Variants in CIITA observed in about 807,000 individuals in gnomAD.
CIITA encodes class II major histocompatibility complex transactivator, also known as MHC class II transactivator.
Under a neutral mutation model 115.1 loss-of-function variants are expected in CIITA, and 72 were observed. The ratio of observed to expected loss-of-function variants is 0.63; its 90% confidence interval spans 0.52 to 0.76. The LOEUF (loss-of-function observed/expected upper bound fraction) is 0.76. CIITA is among the 30% of genes least tolerant of loss of function. CIITA has a pLI of 0.00. For missense variants in CIITA, 1,617 were observed against 1,463.8 expected (o/e 1.10, Z -1.71); for synonymous variants, 763 against 635.6 (o/e 1.20, Z -3.02).
rs1340095619 is a variant in CIITA at position 10,895,886 on chromosome 16, G to C, written c.295+122G>C. 7 of 977,828 alleles carry C rather than the reference G, an allele frequency of 7.2e-6. No homozygotes were observed. In the East Asian group the frequency reaches 1.6e-4, roughly 22 times the overall value. The allele number at this position is 977,828 out of a possible 1,614,324, so 60.6% of individuals were successfully genotyped here. On this transcript the variant is annotated intron_variant, in intron 3 of 19. Transcript: ENST00000324288. ...CCCCTCCCACAGAAATCATTGCAAG[G>C]GGGATGCGGAGCAATGGCTGGAGGA... is the stretch of plus-strand genomic sequence containing the variant.
At position 10,887,245 on chromosome 16, in the gene CIITA, G is replaced by C. The variant is rs183904893; in HGVS notation, c.53-8037G>C. Among the ~76,000 whole-genome samples, 93 of 152,014 alleles carry C rather than the reference G, an allele frequency of 6.1e-4. No homozygotes were observed. The East Asian group carries it at 9.5e-3, about 15-fold the overall frequency. On this transcript the variant is annotated intron_variant, in intron 1 of 19. Coordinates refer to ENST00000324288, the MANE Select transcript of CIITA (RefSeq NM_000246.4). ...GAGGTTGGGGAGCAGGTTGGTGTTG[G>C]GGGGGGCCTTGGGGGAAAGGAAAAG... is the stretch of plus-strand genomic sequence containing the variant.
intron 1 of CIITA, among the ~76,000 whole-genome samples, chr16:10,867,837 C>T (rs1295132936): frequency 3.9e-5 from 6 of 152,126 alleles, no homozygotes; most frequent in Non-Finnish European, 8.8e-5. Flanking sequence ...CTCACTACAG[C>T]CTCCATTTGC....
In CIITA at chr16:10,877,360, G is replaced by A. The variant is rs911677004; in HGVS notation, c.30G>A (p.Gly10=). The change falls in exon 1 of 20, where the codon GGG becomes GGA. Residue 10 remains glycine (G), a synonymous_variant. Transcript: ENST00000324288. MRCLAPRPA[G]SYLSEPQGSS... is the part of the protein sequence containing the mutation. The stretch of plus-strand genomic sequence containing the variant: ...GTTGCCTGGCTCCACGCCCTGCTGG[G>A]TCCTACCTGTCAGAGCCCCAAGGTA... 2.0e-5 allele frequency: 33 copies of A among 1,613,262 alleles called. No homozygotes were observed. The highest frequency in any genetic ancestry group is 2.6e-5 in the Non-Finnish European group (31 of 1,179,612).
downstream of CIITA, chr16:10,940,494 A>T (rs1226766165): frequency 6.6e-6 from 1 of 152,288 alleles, no homozygotes; most frequent in Non-Finnish European, 1.5e-5. The surrounding 1 kb of genome is among the most constrained non-coding windows in gnomAD (Gnocchi z 4.2). Flanking sequence ...TGCCCACCAT[A>T]TCTCAGCATC....
At position 10,907,051 on chromosome 16, in the gene CIITA, C is replaced by G; in HGVS notation, c.1559C>G (p.Ala520Gly). 1 of 1,607,302 alleles carries G rather than the reference C, an allele frequency of 6.2e-7. No individual in the cohort carries two copies. Among genetic ancestry groups the G allele is most frequent in the Non-Finnish European group, 8.5e-7 (1 of 1,179,964 alleles). Reference sequence around the variant, plus strand: ...CACAGCACGTGCGGACCGGCACCGGCGGAGCCCTGCTCCCTCCGGGGGCTG... The same window carrying G: ...CACAGCACGTGCGGACCGGCACCGGGGGAGCCCTGCTCCCTCCGGGGGCTG... ...FLHSTCGPAP[A>G]EPCSLRGLLA... is the part of the protein sequence containing the mutation. Residue 520 changes from alanine (A) to glycine (G), a missense_variant, in exon 11 of 20, where the codon GCG (alanine) becomes GGG (glycine). Ala to Gly is a moderately conservative substitution (Grantham distance 60, BLOSUM62 0). Transcript: ENST00000324288. This position sits in a 1 kb window ranked among gnomAD's most constrained non-coding sequence, Gnocchi z 5.0.
rs951828504 is a variant in CIITA at position 10,925,715 on chromosome 16, TACACACAC to T, written c.*1863_*1870del. The stretch of plus-strand genomic sequence containing the variant: ...GCACGTGTGTGCACGTACACACACA[TACACACAC>T]ACGCGTGCACACACCAGAGCCCACC... On this transcript the variant is annotated 3_prime_UTR_variant, in exon 20 of 20. Coordinates refer to ENST00000324288, the MANE Select transcript of CIITA (RefSeq NM_000246.4). The T allele has an allele frequency of 2.6e-5, 4 of 152,262 alleles. No homozygotes were observed. The highest frequency in any genetic ancestry group is 5.9e-5 in the Non-Finnish European group (4 of 68,054). 9.4% of individuals were successfully genotyped at this position (152,262 alleles called of 1,614,324 possible).
chr16:10,879,572 G>C lies in CIITA; in HGVS notation c.52+2190G>C, dbSNP rs2036207278. 6.6e-6 allele frequency among the ~76,000 whole-genome samples: 1 copy of C among 152,034 alleles called. No individual in the cohort carries two copies. The highest frequency in any genetic ancestry group is 2.4e-5 in the African/African-American group (1 of 41,386). ...CAGTAGGGAGCCAAACCTTTAACCA[G>C]AGGATGGGATAAGTCCTCAACTCTC... is the stretch of plus-strand genomic sequence containing the variant. On this transcript the variant is annotated intron_variant, in intron 1 of 19. Transcript: ENST00000324288. This position sits in a 1 kb window ranked among gnomAD's most constrained non-coding sequence, Gnocchi z 4.3.
Position 10,902,080 on chromosome 16 carries a change from C to T in CIITA, c.524C>T (p.Pro175Leu). 6.2e-7 allele frequency: 1 copy of T among 1,614,198 alleles called. No individual in the cohort carries two copies. Among genetic ancestry groups the T allele is most frequent in the Non-Finnish European group, 8.5e-7 (1 of 1,180,048 alleles). ...GTGACTGGCAGTCTCCTAGTGGGAC[C>T]AGTGAGCGACTGCTCCACCCTGCCC... ...TVVTGSLLVG[P>L]VSDCSTLPCL... Residue 175 changes from proline to leucine, a missense_variant, in exon 7 of 20, where the codon CCA becomes CTA. Coordinates refer to ENST00000324288, the MANE Select transcript of CIITA (RefSeq NM_000246.4).
chr16:10,893,804 T>TAAAAAAAAAAAAAAA lies in CIITA; in HGVS notation c.53-1462_53-1448dup, dbSNP rs71136603. On this transcript the variant is annotated intron_variant, in intron 1 of 19. Transcript: ENST00000324288. ...AGCCTGGGTGACAGAGACTCCGTCT[T>TAAAAAAAAAAAAAAA]AAAAAAAAAAAAAAAAAAAAAAAAA... is the stretch of plus-strand genomic sequence containing the variant. 6.8e-4 allele frequency among the ~76,000 whole-genome samples: 22 copies of TAAAAAAAAAAAAAAA among 32,170 alleles called. 2 individuals are homozygous for TAAAAAAAAAAAAAAA. The highest frequency in any genetic ancestry group is 1.0e-3 in the Non-Finnish European group (18 of 18,080). The allele number at this position is 32,170 out of a possible 152,430, so 21.1% of individuals were successfully genotyped here.
chr16:10,919,790 A>G (rs1377978125), intron 16 of CIITA, among the ~76,000 whole-genome samples: 2 of 152,166 alleles, frequency 1.3e-5, no homozygotes, highest in Non-Finnish European at 2.9e-5. Context: ...TGTGCTAAAA[A>G]CTAGAGATAC....
chr16:10,909,086 C>G lies in CIITA; in HGVS notation c.2715C>G (p.Thr905=), dbSNP rs781637237. 2 of 1,614,130 alleles carry G rather than the reference C, an allele frequency of 1.2e-6. No homozygotes were observed. Among genetic ancestry groups the G allele is most frequent in the African/African-American group, 1.3e-5 (1 of 75,042 alleles). The change falls in exon 12 of 20, where the codon ACC becomes ACG. Residue 905 remains threonine (T), a synonymous_variant. Transcript: ENST00000324288. ...LWESLQQHGE[T]KLLQAAEEKF... is the part of the protein sequence containing the mutation. ...AGTCCCTGCAGCAGCATGGGGAGAC[C>G]AAGCTACTTCAGGCAGCAGAGGAGA...
chr16:10,866,403 G>A (rs762949738), intron 1 of CIITA: 2 of 566,662 alleles, frequency 3.5e-6, no homozygotes, highest in Non-Finnish European at 6.9e-6. Flanking sequence ...TCCTCTCCAG[G>A]GAATACCACT....
rs909686492 is a variant in CIITA, at chr16:10,933,620, G to C, written c.*9765G>C. 1 of 152,258 alleles carries C rather than the reference G, an allele frequency of 6.6e-6. No homozygotes were observed. Among genetic ancestry groups the C allele is most frequent in the Non-Finnish European group, 1.5e-5 (1 of 68,086 alleles). 9.4% of individuals were successfully genotyped at this position (152,258 alleles called of 1,614,324 possible). On this transcript the variant is annotated 3_prime_UTR_variant, in exon 20 of 20. Transcript: ENST00000324288. ...GCCTGACAATACCCAGCACACACGA[G>C]ACATCAGTACAGGGTGGTTCCTTCC... is the stretch of plus-strand genomic sequence containing the variant.
Position 10,895,782 on chromosome 16 carries a change from C to T in CIITA, c.295+18C>T, listed in dbSNP as rs755366666. On this transcript the variant is annotated intron_variant, in intron 3 of 19. Transcript: ENST00000324288. ...CAATATCGGTGAGGAAGCACCTGAGCCCAGAAAAGGACAATCAAGGGCAAG... is the reference window on the plus strand; with the variant it reads ...CAATATCGGTGAGGAAGCACCTGAGTCCAGAAAAGGACAATCAAGGGCAAG... 25 of 1,611,768 alleles carry T rather than the reference C, an allele frequency of 1.6e-5. No individual in the cohort carries two copies. Among genetic ancestry groups the T allele is most frequent in the South Asian group, 8.8e-5 (8 of 90,932 alleles).
upstream of CIITA, among the ~76,000 whole-genome samples, chr16:10,874,839 A>T (rs1168795060): frequency 6.6e-6 from 1 of 152,038 alleles, no homozygotes; most frequent in Non-Finnish European, 1.5e-5. Context: ...GGATGGGGGG[A>T]CATCAGAACC....
downstream of CIITA, chr16:10,936,754 G>T (rs1193093563): frequency 1.3e-5 from 2 of 152,210 alleles, no homozygotes; most frequent in African/African-American, 4.8e-5. Flanking sequence ...TGTGGCCAGG[G>T]AACCGGGCTG....
chr16:10,877,242 G>A lies in CIITA; in HGVS notation c.-89G>A, dbSNP rs1455094019. On this transcript the variant is annotated 5_prime_UTR_variant, in exon 1 of 20. Coordinates refer to ENST00000324288, the MANE Select transcript of CIITA (RefSeq NM_000246.4). ...GATGAGGCTGTGTGCTTCTGAGCTG[G>A]GCATCCGAAGGCATCCTTGGGGAAG... is the stretch of plus-strand genomic sequence containing the variant. 4.3e-6 allele frequency: 5 copies of A among 1,155,024 alleles called. No individual in the cohort carries two copies. The highest frequency in any genetic ancestry group is 5.1e-6 in the Non-Finnish European group (4 of 782,132). 71.5% of individuals were successfully genotyped at this position (1,155,024 alleles called of 1,614,324 possible).
chr16:10,874,466 T>G (rs1228687084), upstream of CIITA, among the ~76,000 whole-genome samples: 1 of 152,182 alleles, frequency 6.6e-6, no homozygotes, highest in Non-Finnish European at 1.5e-5. Context: ...CTGCCACAGC[T>G]GAAATCCAGG....
intron 18 of CIITA, 66 bp downstream of exon 18, chr16:10,922,556 CCCGG>C: frequency 6.5e-7 from 1 of 1,528,244 alleles, no homozygotes; most frequent in Non-Finnish European, 9.0e-7. Context: ...CCAGTGTGAC[CCCGG>C]AGCTCAAATC....
Sources: gnomAD v4.1 joint callset for allele counts (sites outside exome capture counted in the v4.1 genomes callset) on GRCh38, gnomAD v4.1.1 for gene constraint, Gnocchi (gnomAD v3.1) non-coding constraint, MANE v1.5 for transcripts, NCBI Gene and HGNC (gene_info 2026-07-23, HGNC 2026-07-21) for gene names.